Variants in DIPK1A observed in about 807,000 individuals in gnomAD.
DIPK1A encodes family with sequence similarity 69 member A.
DIPK1A carries 27 observed loss-of-function variants against 40.8 expected under a neutral mutation model. The observed-to-expected ratio is 0.66, with a 90% CI of 0.49 to 0.91. The LOEUF (loss-of-function observed/expected upper bound fraction) is 0.91. Ranked by LOEUF, DIPK1A falls within the 40% of genes least tolerant of loss-of-function variation. The pLI is 0.00. For synonymous variants in DIPK1A, 166 were observed against 171.3 expected (o/e 0.97, Z 0.24); for missense variants, 412 against 505.7 (o/e 0.81, Z 1.78).
chr1:92,845,898 G>T (rs999698945), intron 4 of DIPK1A, among the ~76,000 whole-genome samples: 1 of 152,016 alleles, frequency 6.6e-6, no homozygotes. Context: ...GGGGGGCTGA[G>T]GCAGGAGGAT....
At chr1:92,952,023 A>T (rs1651653578) in intron 1 of DIPK1A, among the ~76,000 whole-genome samples, 1 of 147,772 alleles carries the variant, frequency 6.8e-6, no homozygotes, top group Non-Finnish European at 1.5e-5. Context: ...AATTAAAACT[A>T]CAATGAAATA....
rs770441509 is a variant in DIPK1A at position 92,844,055 on chromosome 1, GAGA to G, written c.612_614del (p.Leu205del). ...GTTCTTTATCTTGAAGTATCACCAT[GAGA>G]AGAAATTCATTCAGTTGAAGAAGTG... On this transcript the variant is annotated inframe_deletion, in exon 5 of 5. Transcript: ENST00000370310. 2.6e-6 allele frequency: 4 copies of G among 1,551,886 alleles called. No homozygotes were observed. Among genetic ancestry groups the G allele is most frequent in the Non-Finnish European group, 3.5e-6 (4 of 1,147,044 alleles).
Position 92,843,003 on chromosome 1 carries a change from T to C in DIPK1A, c.*380A>G, listed in dbSNP as rs1016230196. ...ACATTAGTAAATTTATAAATTTTCT[T>C]GTTGAACAGCAGCTTCAATGCAAAC... On this transcript the variant is annotated 3_prime_UTR_variant, in exon 5 of 5. Coordinates refer to ENST00000370310, the MANE Select transcript of DIPK1A (RefSeq NM_001006605.5). The C allele has an allele frequency of 4.0e-6, 4 of 995,206 alleles. No individual in the cohort carries two copies. The African/African-American group carries it at 7.0e-5, about 17-fold the overall frequency. 61.6% of individuals were successfully genotyped at this position (995,206 alleles called of 1,614,324 possible).
intron 2 of DIPK1A, among the ~76,000 whole-genome samples, chr1:92,864,721 T>C (rs1647451213): frequency 6.6e-6 from 1 of 151,886 alleles, no homozygotes; most frequent in South Asian, 2.1e-4. Flanking sequence ...GTGATTTCTA[T>C]AATCAGAGAA....
At chr1:92,836,421 C>T in intron 4 of DIPK1A, 1 of 1,596,148 alleles carries the variant, frequency 6.3e-7, no homozygotes, top group East Asian at 2.2e-5. Flanking sequence ...ACCTTGGTGC[C>T]TGGACCGTGG....
At position 92,857,151 on chromosome 1, in the gene DIPK1A, C is replaced by T. The variant is rs139262673; in HGVS notation, c.190-6196G>A. Among the ~76,000 whole-genome samples, 10 of 152,194 alleles carry T rather than the reference C, an allele frequency of 6.6e-5. 1 individual carries two copies. The highest frequency in any genetic ancestry group is 2.4e-4 in the African/African-American group (10 of 41,528). Reference sequence around the variant, plus strand: ...AAAACATCATGGCAAAAACTCATACCAAATTCAAGATGGTGATTCCTCTAA... The same window carrying T: ...AAAACATCATGGCAAAAACTCATACTAAATTCAAGATGGTGATTCCTCTAA... On this transcript the variant is annotated intron_variant, in intron 2 of 4. Coordinates refer to ENST00000370310, the MANE Select transcript of DIPK1A (RefSeq NM_001006605.5).
intron 1 of DIPK1A, among the ~76,000 whole-genome samples, chr1:92,900,884 T>C (rs1362010160): frequency 6.6e-6 from 1 of 152,134 alleles, no homozygotes. Context: ...TTTTCATGTT[T>C]TTTTTTTTAT....
chr1:92,928,577 A>C (rs1452647774), intron 1 of DIPK1A, among the ~76,000 whole-genome samples: 1 of 152,170 alleles, frequency 6.6e-6, no homozygotes, highest in Non-Finnish European at 1.5e-5. Context: ...ACCATTTCTT[A>C]TATTACAGGT....
chr1:92,955,110 T>C (rs558013831), intron 1 of DIPK1A, among the ~76,000 whole-genome samples: 1 of 152,328 alleles, frequency 6.6e-6, no homozygotes, highest in Admixed American at 6.5e-5. Flanking sequence ...TACTACGTGA[T>C]TCCAACTAGA....
intron 1 of DIPK1A, among the ~76,000 whole-genome samples, chr1:92,888,717 G>A (rs2100797236): frequency 6.6e-6 from 1 of 152,206 alleles, no homozygotes; most frequent in African/African-American, 2.4e-5. Context: ...TTTGAAAATA[G>A]CCATTATAAC....
intron 1 of DIPK1A, among the ~76,000 whole-genome samples, chr1:92,913,685 G>T (rs577802287): frequency 1.3e-5 from 2 of 152,290 alleles, no homozygotes; most frequent in South Asian, 4.1e-4. Context: ...TATATGATAC[G>T]TTATGTGCCT....
At position 92,876,427 on chromosome 1, in the gene DIPK1A, G is replaced by A. The variant is rs374076768; in HGVS notation, c.58C>T (p.Arg20Cys). 3.2e-5 allele frequency: 51 copies of A among 1,610,986 alleles called. No homozygotes were observed. The African/African-American group carries it at 3.7e-4, about 12-fold the overall frequency. ...TATTTCATCCGCACATATGAGAAGC[G>A]AGCCTGTGAGTAAAAAAGAACATAA... is the stretch of plus-strand genomic sequence containing the variant. The part of the protein sequence containing the change: ...WLRKPYYLQA[R>C]FSYVRMKYLF... The change falls in exon 2 of 5, where the codon CGC becomes TGC. Residue 20 changes from arginine to cysteine, a missense_variant. Arg to Cys is a radical substitution (Grantham distance 180, BLOSUM62 -3). Coordinates refer to ENST00000370310, the MANE Select transcript of DIPK1A (RefSeq NM_001006605.5).
chr1:92,931,010 C>G (rs753999112), intron 1 of DIPK1A: 1 of 152,188 alleles, frequency 6.6e-6, no homozygotes, highest in African/African-American at 2.4e-5. Context: ...TAATTGATTA[C>G]TTCTAGTACT....
At chr1:92,869,413 C>T (rs1647727284) in intron 2 of DIPK1A, among the ~76,000 whole-genome samples, 1 of 152,082 alleles carries the variant, frequency 6.6e-6, no homozygotes, top group Non-Finnish European at 1.5e-5. Flanking sequence ...CCCACCTTGG[C>T]CTCCTAAAGT....
At chr1:92,841,572 C>A (rs1687364223), downstream of DIPK1A, among the ~76,000 whole-genome samples, 1 of 152,140 alleles carries the variant, frequency 6.6e-6, no homozygotes, top group Non-Finnish European at 1.5e-5. Flanking sequence ...AGTAGGACAT[C>A]ACAGAAGTTG....
intron 1 of DIPK1A, among the ~76,000 whole-genome samples, chr1:92,958,565 ACAAGATCT>A (rs1177194178): frequency 1.3e-5 from 2 of 152,192 alleles, no homozygotes; most frequent in African/African-American, 4.8e-5. Context: ...CCCAAACAGA[ACAAGATCT>A]CTTATACCTG....
intron 1 of DIPK1A, among the ~76,000 whole-genome samples, chr1:92,909,306 C>A (rs927657998): frequency 1.3e-5 from 2 of 152,010 alleles, no homozygotes; most frequent in African/African-American, 4.8e-5. Flanking sequence ...ATATAAAACA[C>A]AAAATGCTAT....
intron 1 of DIPK1A, chr1:92,877,177 A>C: frequency 1.0e-6 from 1 of 981,492 alleles, no homozygotes; most frequent in Non-Finnish European, 1.2e-6. Flanking sequence ...TCTTGTATCT[A>C]ATTGCAACTC....
chr1:92,904,949 C>T (rs560319201), intron 1 of DIPK1A, among the ~76,000 whole-genome samples: 1 of 152,244 alleles, frequency 6.6e-6, no homozygotes, highest in East Asian at 1.9e-4. Flanking sequence ...ATAATGACCT[C>T]CAGTTCCATC....
Sources: gnomAD v4.1 joint callset for allele counts (sites outside exome capture counted in the v4.1 genomes callset) on GRCh38, gnomAD v4.1.1 for gene constraint, MANE v1.5 for transcripts, NCBI Gene and HGNC (gene_info 2026-07-23, HGNC 2026-07-21) for gene names.